FBLIM1: variants seen among roughly 807,000 people sequenced by gnomAD.
FBLIM1 encodes filamin-binding LIM protein 1.
FBLIM1 carries 29 observed loss-of-function variants against 37.4 expected under a neutral mutation model. That is an observed-to-expected ratio of 0.77 (90% CI 0.58 to 1.06). FBLIM1 has a LOEUF of 1.06. Among genes scored for constraint, FBLIM1 ranks in the 50% least tolerant of loss-of-function variants. FBLIM1 has a pLI of 0.00. For missense variants in FBLIM1, 449 were observed against 505.6 expected (o/e 0.89, Z 1.07); for synonymous variants, 193 against 199.0 (o/e 0.97, Z 0.25).
At chr1:15,772,071 A>C (rs373877581) in intron 6 of FBLIM1, among the ~76,000 whole-genome samples, 2 of 152,138 alleles carry the variant, frequency 1.3e-5, no homozygotes, top group African/African-American at 4.8e-5. Context: ...GTGACCACCC[A>C]CAGCCGCATC....
intron 8 of FBLIM1, among the ~76,000 whole-genome samples, chr1:15,781,520 C>CAA (rs1283687524): frequency 7.9e-5 from 2 of 25,170 alleles, no homozygotes; most frequent in Non-Finnish European, 7.8e-5. Flanking sequence ...GACTCTGTCT[C>CAA]AAAAAAAAAA....
chr1:15,773,256 G>A (rs1250983235), intron 6 of FBLIM1, among the ~76,000 whole-genome samples: 3 of 151,584 alleles, frequency 2.0e-5, no homozygotes, highest in Non-Finnish European at 4.4e-5. Context: ...CATGGTGCGT[G>A]CCTGTAATCC....
At chr1:15,781,971 G>A (rs939019256) in intron 8 of FBLIM1, among the ~76,000 whole-genome samples, 13 of 151,838 alleles carry the variant, frequency 8.6e-5, no homozygotes, top group African/African-American at 3.1e-4. Flanking sequence ...GCCCACCTCA[G>A]CCTCCCAAAG....
rs987548800 is a variant in FBLIM1, at chr1:15,777,090, C to T, written c.891-80C>T. 284 of 1,153,812 alleles carry T rather than the reference C, an allele frequency of 2.5e-4. 1 individual carries two copies. The highest frequency in any genetic ancestry group is 3.5e-4 in the Non-Finnish European group (274 of 788,916). 71.5% of individuals were successfully genotyped at this position (1,153,812 alleles called of 1,614,324 possible). On this transcript the variant is annotated intron_variant, in intron 7 of 8. Coordinates refer to ENST00000375766, the MANE Select transcript of FBLIM1 (RefSeq NM_017556.4). The stretch of plus-strand genomic sequence containing the variant: ...AAATTGCTCAGGAGGTGAACACCAG[C>T]CAGCCCGAGTTCTGACAGCTAATTA...
intron 8 of FBLIM1, among the ~76,000 whole-genome samples, chr1:15,781,517 T>C (rs1569875284): frequency 2.1e-5 from 1 of 47,670 alleles, no homozygotes. Context: ...CAAGACTCTG[T>C]CTCAAAAAAA....
intron 6 of FBLIM1, 32 bp from the exon 7 acceptor site, chr1:15,774,586 G>T (rs1284543292): frequency 1.3e-5 from 21 of 1,587,220 alleles, no homozygotes; most frequent in Non-Finnish European, 1.8e-5. Context: ...TGGGTGTGTC[G>T]TGGATGGTTC....
At chr1:15,777,337 C>T (rs550326592) in intron 8 of FBLIM1, 50 bp downstream of exon 8, 2 of 1,427,126 alleles carry the variant, frequency 1.4e-6, no homozygotes, top group Non-Finnish European at 2.0e-6. Context: ...GCGTGCCAGG[C>T]CCTTAGCTGG....
chr1:15,760,083 G>A (rs1470119229), intron 1 of FBLIM1, among the ~76,000 whole-genome samples: 1 of 151,732 alleles, frequency 6.6e-6, no homozygotes, highest in South Asian at 2.1e-4. Flanking sequence ...AATTAGCCGG[G>A]TGTGGTGGCG....
intron 4 of FBLIM1, 133 bp from the exon 5 acceptor site, chr1:15,768,395 C>G (rs1003832676): frequency 1.8e-6 from 1 of 557,802 alleles, no homozygotes; most frequent in Non-Finnish European, 3.0e-6. Flanking sequence ...ACGCAGGTCC[C>G]TTGCTTCCCT....
intron 3 of FBLIM1, among the ~76,000 whole-genome samples, chr1:15,766,327 C>A (rs1439217277): frequency 6.6e-6 from 1 of 152,048 alleles, no homozygotes; most frequent in Non-Finnish European, 1.5e-5. Context: ...GACGAAGTCT[C>A]GCTCTGTCAC....
In FBLIM1 at chr1:15,784,791, C is replaced by A; in HGVS notation, c.*130C>A. The A allele has an allele frequency of 2.7e-6, 2 of 733,216 alleles. No individual in the cohort carries two copies. Among genetic ancestry groups the A allele is most frequent in the Non-Finnish European group, 4.6e-6 (2 of 439,254 alleles). The allele number at this position is 733,216 out of a possible 1,614,324, so 45.4% of individuals were successfully genotyped here. ...CATGGAGACCAGCCTGCAAGCCGGC[C>A]CAGCCTGTCCAGGATACAGTGGGGC... is the stretch of plus-strand genomic sequence containing the variant. On this transcript the variant is annotated 3_prime_UTR_variant, in exon 9 of 9. Coordinates refer to ENST00000375766, the MANE Select transcript of FBLIM1 (RefSeq NM_017556.4).
At chr1:15,773,765 A>G (rs114294811) in intron 6 of FBLIM1, among the ~76,000 whole-genome samples, 96 of 152,102 alleles carry the variant, frequency 6.3e-4, no homozygotes, top group African/African-American at 2.1e-3. Flanking sequence ...CAATAATACT[A>G]CGATATGTAA....
Position 15,764,693 on chromosome 1 carries a change from C to T in FBLIM1, c.-21+8C>T, listed in dbSNP as rs998576397. The T allele has an allele frequency of 1.3e-5, 6 of 462,630 alleles. No homozygotes were observed. Among genetic ancestry groups the T allele is most frequent in the African/African-American group, 1.0e-4 (5 of 50,176 alleles). The allele number at this position is 462,630 out of a possible 1,614,324, so 28.7% of individuals were successfully genotyped here. A position where few individuals can be genotyped will look rare whatever the true frequency, so the allele number is the denominator to read the frequency against. Reference sequence around the variant, plus strand: ...AAGGAAGAGTGATCATTGGTGAGGGCTGCCCTTTGCTCCCCTAGGTGTGCA... The same window carrying T: ...AAGGAAGAGTGATCATTGGTGAGGGTTGCCCTTTGCTCCCCTAGGTGTGCA... On this transcript the variant is annotated splice_region_variant and intron_variant, in intron 2 of 8. Transcript: ENST00000375766.
At chr1:15,783,727 C>T (rs1199176809) in intron 8 of FBLIM1, among the ~76,000 whole-genome samples, 5 of 151,880 alleles carry the variant, frequency 3.3e-5, no homozygotes, top group Non-Finnish European at 7.4e-5. Context: ...GGAGTACAGG[C>T]GCCCGCCACC....
At chr1:15,769,545 C>T (rs2069100999) in intron 5 of FBLIM1, among the ~76,000 whole-genome samples, 1 of 152,158 alleles carries the variant, frequency 6.6e-6, no homozygotes, top group Non-Finnish European at 1.5e-5. Flanking sequence ...TGGTTCATGC[C>T]TGTAATCCCA....
chr1:15,776,558 G>T (rs1407977218), intron 7 of FBLIM1, among the ~76,000 whole-genome samples: 1 of 151,794 alleles, frequency 6.6e-6, no homozygotes, highest in Non-Finnish European at 1.5e-5. Context: ...AGACAGATGT[G>T]CCTCTTAAGA....
chr1:15,770,521 G>A lies in FBLIM1; in HGVS notation c.654G>A (p.Leu218=), dbSNP rs2069151403. Reference sequence around the variant, plus strand: ...CGTGCCGCACCTGCCGCCGCCAGCTGGCTGGGCAGAGCTTCTACCAGAAGG... The same window carrying A: ...CGTGCCGCACCTGCCGCCGCCAGCTAGCTGGGCAGAGCTTCTACCAGAAGG... ...CFTCRTCRRQ[L]AGQSFYQKDG... is the part of the protein sequence containing the mutation. Residue 218 remains leucine (L), a synonymous_variant, in exon 6 of 9, where the codon CTG becomes CTA. Transcript: ENST00000375766. 6.2e-7 allele frequency: 1 copy of A among 1,613,830 alleles called. No individual in the cohort carries two copies. The highest frequency in any genetic ancestry group is 1.7e-5 in the Admixed American group (1 of 59,982).
Position 15,786,181 on chromosome 1 carries a change from A to T in FBLIM1, c.*1520A>T, listed in dbSNP as rs2069763064. Reference sequence around the variant, plus strand: ...AGATTCTTCTTCCCTTTGAAGGAGAATCATCATTGTTGCTTTATCACTTCT... The same window carrying T: ...AGATTCTTCTTCCCTTTGAAGGAGATTCATCATTGTTGCTTTATCACTTCT... On this transcript the variant is annotated 3_prime_UTR_variant, in exon 9 of 9. Transcript: ENST00000375766. 3.3e-5 allele frequency: 5 copies of T among 152,238 alleles called. No individual in the cohort carries two copies. Among genetic ancestry groups the T allele is most frequent in the Admixed American group, 3.3e-4 (5 of 15,272 alleles). The allele number at this position is 152,238 out of a possible 1,614,324, so 9.4% of individuals were successfully genotyped here.
intron 1 of FBLIM1, among the ~76,000 whole-genome samples, chr1:15,762,538 G>A (rs983092410): frequency 5.9e-5 from 9 of 152,098 alleles, no homozygotes; most frequent in African/African-American, 1.9e-4. Context: ...TAAGATTACA[G>A]GCATAAGCCT....
Sources: gnomAD v4.1 joint callset for allele counts (sites outside exome capture counted in the v4.1 genomes callset) on GRCh38, gnomAD v4.1.1 for gene constraint, MANE v1.5 for transcripts, NCBI Gene and HGNC (gene_info 2026-07-23, HGNC 2026-07-21) for gene names.